THNSL1: variants seen among roughly 807,000 people sequenced by gnomAD.
THNSL1 encodes threonine synthase like 1.
Under a neutral mutation model 50.4 loss-of-function variants are expected in THNSL1, and 48 were observed. The observed-to-expected ratio is 0.95, with a 90% CI of 0.76 to 1.21. THNSL1 has a LOEUF of 1.21. Ranked by LOEUF, THNSL1 falls within the 50% of genes most tolerant of loss-of-function variation. The pLI is 0.00. For synonymous variants in THNSL1, 309 were observed against 306.1 expected (o/e 1.01, Z -0.10); for missense variants, 896 against 871.7 (o/e 1.03, Z -0.35).
At chr10:24,989,895 A>G in the THNSL1 span, among the ~76,000 whole-genome samples, 2 of 152,190 alleles carry the variant, frequency 1.3e-5, no homozygotes, top group African/African-American at 2.4e-5. Flanking sequence ...ACCCCCTAAT[A>G]TTTTAAATGC....
the THNSL1 span, among the ~76,000 whole-genome samples, chr10:24,976,470 T>C: frequency 6.6e-6 from 1 of 152,170 alleles, no homozygotes; most frequent in African/African-American, 2.4e-5. Flanking sequence ...TCTATACCTA[T>C]AAAGCATTCT....
At chr10:24,998,848 T>A in the THNSL1 span, among the ~76,000 whole-genome samples, 1 of 152,150 alleles carries the variant, frequency 6.6e-6, no homozygotes, top group Admixed American at 6.5e-5. Flanking sequence ...AGCACAGCAT[T>A]AAAATAAGCA....
the THNSL1 span, among the ~76,000 whole-genome samples, chr10:24,962,537 G>A: frequency 1.3e-5 from 2 of 152,086 alleles, no homozygotes; most frequent in African/African-American, 2.4e-5. Context: ...TAAATGGATC[G>A]AATTTTAAAA....
chr10:25,005,256 T>G, the THNSL1 span, among the ~76,000 whole-genome samples: 1 of 152,210 alleles, frequency 6.6e-6, no homozygotes, highest in Non-Finnish European at 1.5e-5. Flanking sequence ...TAAAGATAAG[T>G]TATTCTCAAA....
Position 25,024,790 on chromosome 10 carries a change from A to C in THNSL1, c.1567A>C (p.Met523Leu). ...NILAAVYAKM[M>L]GIPIRKFICA... is the part of the protein sequence containing the mutation. ...TTTAGCAGCAGTGTATGCCAAAATGATGGGAATCCCGATTCGAAAATTTAT... is the reference window on the plus strand; with the variant it reads ...TTTAGCAGCAGTGTATGCCAAAATGCTGGGAATCCCGATTCGAAAATTTAT... Residue 523 changes from methionine (M) to leucine (L), a missense_variant, in exon 3 of 3, where the codon ATG (methionine) becomes CTG (leucine). By Grantham distance (15) the Met-to-Leu change is conservative (BLOSUM62 2). Coordinates refer to ENST00000376356, the MANE Select transcript of THNSL1 (RefSeq NM_024838.5). The C allele has an allele frequency of 1.2e-6, 2 of 1,614,202 alleles. No homozygotes were observed. The highest frequency in any genetic ancestry group is 1.7e-6 in the Non-Finnish European group (2 of 1,180,032).
the THNSL1 span, among the ~76,000 whole-genome samples, chr10:24,963,143 T>A: frequency 5.3e-5 from 8 of 152,278 alleles, no homozygotes; most frequent in African/African-American, 1.9e-4. Context: ...TTCCAGAGAA[T>A]AAAGGGATGA....
chr10:24,965,420 C>A, the THNSL1 span, among the ~76,000 whole-genome samples: 36 of 152,272 alleles, frequency 2.4e-4, no homozygotes, highest in African/African-American at 8.7e-4. Context: ...TGATTCTGAG[C>A]CCCAGCCCTA....
the THNSL1 span, among the ~76,000 whole-genome samples, chr10:24,966,490 A>G: frequency 6.6e-6 from 1 of 152,216 alleles, no homozygotes; most frequent in Non-Finnish European, 1.5e-5. Flanking sequence ...TCCAGCATTA[A>G]CTGAGCAGCC....
chr10:24,956,960 A>G, the THNSL1 span, among the ~76,000 whole-genome samples: 1 of 152,134 alleles, frequency 6.6e-6, no homozygotes, highest in Non-Finnish European at 1.5e-5. Context: ...GAACCTAACT[A>G]ATGCCGGATG....
At chr10:24,992,157 A>G in the THNSL1 span, among the ~76,000 whole-genome samples, 65 of 152,226 alleles carry the variant, frequency 4.3e-4, no homozygotes, top group African/African-American at 1.5e-3. Context: ...GATGTTTGAG[A>G]ATGTACTTGG....
the THNSL1 span, among the ~76,000 whole-genome samples, chr10:24,972,513 A>T: frequency 1.1e-4 from 16 of 148,988 alleles, no homozygotes; most frequent in Admixed American, 5.9e-4. Flanking sequence ...GTCTCAAAAA[A>T]AAAAAAATAA....
At chr10:24,975,661 A>G in the THNSL1 span, among the ~76,000 whole-genome samples, 2 of 152,158 alleles carry the variant, frequency 1.3e-5, no homozygotes, top group African/African-American at 4.8e-5. Flanking sequence ...CTCACCTGCC[A>G]CCATGTAAGA....
the THNSL1 span, among the ~76,000 whole-genome samples, chr10:24,961,088 G>A: frequency 6.6e-6 from 1 of 152,158 alleles, no homozygotes; most frequent in East Asian, 1.9e-4. Context: ...GTTTTAAACT[G>A]GAAAATATAG....
At chr10:24,969,784 C>G in the THNSL1 span, among the ~76,000 whole-genome samples, 2 of 152,222 alleles carry the variant, frequency 1.3e-5, no homozygotes, top group Non-Finnish European at 2.9e-5. Context: ...AAGTCTAAAA[C>G]TTTTCTAAGA....
At chr10:24,995,807 C>T in the THNSL1 span, 1 of 1,613,994 alleles carries the variant, frequency 6.2e-7, no homozygotes, top group Non-Finnish European at 8.5e-7. Context: ...ATTCCCATGA[C>T]AGGATGATCA....
chr10:25,019,514 T>C (rs1339819095), intron 1 of THNSL1, among the ~76,000 whole-genome samples: 1 of 152,132 alleles, frequency 6.6e-6, no homozygotes, highest in Non-Finnish European at 1.5e-5. Flanking sequence ...ACAGTAAAAA[T>C]ACCACAAACA....
chr10:24,954,623 C>T, the THNSL1 span, among the ~76,000 whole-genome samples: 1 of 152,080 alleles, frequency 6.6e-6, no homozygotes, highest in African/African-American at 2.4e-5. Context: ...GCTTGAAAGA[C>T]AACAGGAATC....
intron 1 of THNSL1, among the ~76,000 whole-genome samples, chr10:25,019,182 T>A (rs2132744103): frequency 6.6e-6 from 1 of 152,336 alleles, no homozygotes. Context: ...GAAAATATTT[T>A]AAAATTTTAG....
At chr10:25,022,287 C>T (rs987002463) in intron 2 of THNSL1, among the ~76,000 whole-genome samples, 7 of 152,126 alleles carry the variant, frequency 4.6e-5, no homozygotes, top group Non-Finnish European at 8.8e-5. Context: ...ATTGTTGTCT[C>T]TCATCATTGG....
Sources: allele counts gnomAD v4.1 joint callset (sites outside exome capture counted in the v4.1 genomes callset), GRCh38; gene constraint gnomAD v4.1.1; transcripts MANE v1.5; gene names NCBI Gene and HGNC (gene_info 2026-07-23, HGNC 2026-07-21).